PAK1: variants seen among roughly 807,000 people sequenced by gnomAD.
PAK1 encodes serine/threonine-protein kinase PAK 1.
A neutral mutation model predicts 67.4 loss-of-function variants in PAK1; 29 were observed. The ratio of observed to expected loss-of-function variants is 0.43; its 90% CI spans 0.32 to 0.59. The LOEUF (loss-of-function observed/expected upper bound fraction) is 0.59, where lower values mean the gene tolerates loss of function less well. PAK1 is among the 20% of genes least tolerant of loss of function. The pLI is 0.07. For missense variants in PAK1, 337 were observed against 670.7 expected (o/e 0.50, Z 5.50); for synonymous variants, 223 against 237.4 (o/e 0.94, Z 0.56).
At chr11:77,396,372 A>G (rs1337336678) in intron 1 of PAK1, among the ~76,000 whole-genome samples, 2 of 152,198 alleles carry the variant, frequency 1.3e-5, no homozygotes, top group Non-Finnish European at 2.9e-5. Flanking sequence ...ATCACTTATA[A>G]TAAGCTCTTA....
intron 1 of PAK1, among the ~76,000 whole-genome samples, chr11:77,406,312 A>G (rs1953555309): frequency 6.6e-6 from 1 of 152,230 alleles, no homozygotes; most frequent in Non-Finnish European, 1.5e-5. Context: ...TAACAAGACC[A>G]AACGGAACTC....
chr11:77,388,312 G>C (rs999268794), intron 2 of PAK1, among the ~76,000 whole-genome samples: 6 of 152,158 alleles, frequency 3.9e-5, no homozygotes, highest in Non-Finnish European at 5.9e-5. Context: ...ATCTAACCAC[G>C]CCTTTGCAAC....
At chr11:77,448,540 G>A (rs140753946) in intron 1 of PAK1, among the ~76,000 whole-genome samples, 26 of 152,346 alleles carry the variant, frequency 1.7e-4, no homozygotes, top group African/African-American at 6.0e-4. Flanking sequence ...GGCACAGGAG[G>A]ACAATGTCAG....
intron 1 of PAK1, among the ~76,000 whole-genome samples, chr11:77,405,670 G>GAGACACACACAC (rs1177577797): frequency 4.1e-4 from 52 of 125,660 alleles, no homozygotes; most frequent in African/African-American, 1.4e-3. Context: ...CAGACAGACA[G>GAGACACACACAC]ACAGACACAC....
At chr11:77,461,032 G>C (rs1957320860) in intron 1 of PAK1, among the ~76,000 whole-genome samples, 1 of 152,158 alleles carries the variant, frequency 6.6e-6, no homozygotes, top group Non-Finnish European at 1.5e-5. Context: ...GCCAATTCCT[G>C]AAGAAATCAT....
At chr11:77,377,573 T>C (rs1440704637) in intron 4 of PAK1, among the ~76,000 whole-genome samples, 2 of 152,252 alleles carry the variant, frequency 1.3e-5, no homozygotes, top group Non-Finnish European at 2.9e-5. Context: ...TTTATATTTA[T>C]ACATATGTTC....
chr11:77,368,819 G>A (rs943408062), intron 5 of PAK1, among the ~76,000 whole-genome samples: 1 of 152,078 alleles, frequency 6.6e-6, no homozygotes, highest in Non-Finnish European at 1.5e-5. Flanking sequence ...ACCAAGCCCA[G>A]CTAATTTTTT....
the PAK1 span, among the ~76,000 whole-genome samples, chr11:77,506,521 A>C: frequency 6.6e-6 from 1 of 152,224 alleles, no homozygotes; most frequent in African/African-American, 2.4e-5. Flanking sequence ...GAAAGCAGCC[A>C]GTTCCGATTT....
the PAK1 span, among the ~76,000 whole-genome samples, chr11:77,502,999 T>G: frequency 6.6e-6 from 1 of 152,134 alleles, no homozygotes; most frequent in African/African-American, 2.4e-5. Flanking sequence ...AATAACAACA[T>G]GAATTTCTCA....
At chr11:77,478,786 T>G (rs1441069036), upstream of PAK1, among the ~76,000 whole-genome samples, 1 of 149,136 alleles carries the variant, frequency 6.7e-6, no homozygotes, top group Admixed American at 6.7e-5. Context: ...ATTTAAATGT[T>G]AAGATCTAGG....
At chr11:77,369,031 A>AT (rs1948022925) in intron 5 of PAK1, among the ~76,000 whole-genome samples, 1 of 152,178 alleles carries the variant, frequency 6.6e-6, no homozygotes, top group South Asian at 2.1e-4. Context: ...TGTTAGTTTG[A>AT]TTAGGTACAA....
chr11:77,484,977 A>G, the PAK1 span, among the ~76,000 whole-genome samples: 1,598 of 152,308 alleles, frequency 0.01, 19 homozygotes, highest in Non-Finnish European at 0.015. Flanking sequence ...GAGAGCTTGT[A>G]CAGGAAAACT....
chr11:77,466,209 G>C (rs1436486287), intron 1 of PAK1, among the ~76,000 whole-genome samples: 7 of 152,210 alleles, frequency 4.6e-5, no homozygotes, highest in African/African-American at 1.7e-4. Flanking sequence ...TTCAAGCAAA[G>C]AAGTTGGCAT....
rs201726311 is a variant in PAK1, at chr11:77,355,668, G to A, written c.772C>T (p.Arg258Ter). ...MSDEEILEKL[R>*]SIVSVGDPKK... ...GTTCAGAAAGCTACAAATTCCTTAC[G>A]TAATTTCTCCAAGATCTCCTCATCA... The change falls in exon 7 of 15, where the codon CGA (arginine) becomes TGA (stop). Residue 258 changes from arginine (R) to a stop codon, truncating the protein, a stop_gained and splice_region_variant. Transcript: ENST00000356341. LOFTEE classifies it high-confidence loss of function. The A allele has an allele frequency of 6.2e-7, 1 of 1,611,018 alleles. No homozygotes were observed. Among genetic ancestry groups the A allele is most frequent in the Non-Finnish European group, 8.5e-7 (1 of 1,177,536 alleles).
intron 5 of PAK1, among the ~76,000 whole-genome samples, chr11:77,372,689 C>T (rs965850136): frequency 1.3e-5 from 2 of 152,220 alleles, no homozygotes; most frequent in Admixed American, 6.5e-5. Context: ...TCCTCCTCAT[C>T]ACCCACCTCT....
chr11:77,503,098 G>A, the PAK1 span, among the ~76,000 whole-genome samples: 1 of 152,222 alleles, frequency 6.6e-6, no homozygotes, highest in South Asian at 2.1e-4. Flanking sequence ...GCAAATCACT[G>A]GCTGACTCTG....
intron 11 of PAK1, among the ~76,000 whole-genome samples, chr11:77,338,867 T>C (rs894897037): frequency 6.6e-6 from 1 of 152,004 alleles, no homozygotes; most frequent in African/African-American, 2.4e-5. Context: ...AAATGCCCAG[T>C]ACAGGGAAAC....
intron 1 of PAK1, among the ~76,000 whole-genome samples, chr11:77,457,876 T>C (rs1957149886): frequency 6.6e-6 from 1 of 152,214 alleles, no homozygotes; most frequent in Non-Finnish European, 1.5e-5. Flanking sequence ...ACCATATACC[T>C]GCTGTATAAG....
chr11:77,503,784 C>T, the PAK1 span, among the ~76,000 whole-genome samples: 1 of 152,176 alleles, frequency 6.6e-6, no homozygotes, highest in African/African-American at 2.4e-5. Context: ...CCCAGAAAGT[C>T]GAGGTTGCAG....
Sources: gnomAD v4.1 joint callset for allele counts (sites outside exome capture counted in the v4.1 genomes callset) on GRCh38, gnomAD v4.1.1 for gene constraint, MANE v1.5 for transcripts, NCBI Gene and HGNC (gene_info 2026-07-23, HGNC 2026-07-21) for gene names.